MYO9B: variants seen among roughly 807,000 people sequenced by gnomAD.
The protein encoded by MYO9B is myosin IXB.
In MYO9B, 71 loss-of-function variants were observed where a neutral mutation model predicts 229.5. The ratio of observed to expected loss-of-function variants is 0.31; its 90% CI spans 0.26 to 0.38. The LOEUF (loss-of-function observed/expected upper bound fraction) is 0.38, where lower values mean the gene tolerates loss of function less well. Ranked by LOEUF, MYO9B falls within the 10% of genes least tolerant of loss-of-function variation. The pLI is 1.00. For synonymous variants in MYO9B, 1,185 were observed against 1,235.8 expected, an observed-to-expected ratio of 0.96 and a Z score of 0.86; for missense variants, 2,255 against 2,920.5, an observed-to-expected ratio of 0.77 and a Z score of 5.25.
chr19:17,093,483 C>T (rs774751468), intron 1 of MYO9B, among the ~76,000 whole-genome samples: 8 of 152,252 alleles, frequency 5.3e-5, no homozygotes, highest in South Asian at 2.1e-4. Context: ...CGTCCTGGGA[C>T]GACCAGGTGA....
intron 1 of MYO9B, among the ~76,000 whole-genome samples, chr19:17,088,066 C>G (rs528530310): frequency 1.3e-5 from 2 of 152,180 alleles, no homozygotes; most frequent in Admixed American, 1.3e-4. Context: ...CACCACCGCA[C>G]TCCAGCCTGG....
intron 2 of MYO9B, among the ~76,000 whole-genome samples, chr19:17,143,369 T>C (rs933883724): frequency 1.3e-5 from 2 of 152,176 alleles, no homozygotes; most frequent in Admixed American, 6.5e-5. Flanking sequence ...AAGTGACTTA[T>C]AGCCTACTGT....
At chr19:17,131,052 G>C (rs1472824384) in intron 2 of MYO9B, among the ~76,000 whole-genome samples, 2 of 152,130 alleles carry the variant, frequency 1.3e-5, no homozygotes, top group Non-Finnish European at 2.9e-5. Context: ...CCTGTCTTCA[G>C]CAAGAATCCT....
chr19:17,083,398 T>C (rs1436241043), intron 1 of MYO9B, among the ~76,000 whole-genome samples: 1 of 152,116 alleles, frequency 6.6e-6, no homozygotes, highest in Non-Finnish European at 1.5e-5. Context: ...CAGATCATTC[T>C]CTTGGGTAGC....
intron 6 of MYO9B, among the ~76,000 whole-genome samples, chr19:17,155,378 C>CATCTCTACAAAA (rs2072525910): frequency 6.6e-6 from 1 of 152,002 alleles, no homozygotes; most frequent in Admixed American, 6.6e-5. Flanking sequence ...ATGGGGTTTC[C>CATCTCTACAAAA]TCATGTTGCC....
At chr19:17,082,171 A>G (rs1035166512) in intron 1 of MYO9B, among the ~76,000 whole-genome samples, 8 of 152,202 alleles carry the variant, frequency 5.3e-5, no homozygotes, top group African/African-American at 1.9e-4. Context: ...GAGACTGAGG[A>G]GAACAGAAAT....
chr19:17,083,277 G>A (rs897043531), intron 1 of MYO9B, among the ~76,000 whole-genome samples: 54 of 152,114 alleles, frequency 3.5e-4, no homozygotes, highest in African/African-American at 1.2e-3. Context: ...GTGATCACCC[G>A]CCTCAGCCTC....
At chr19:17,092,052 C>G (rs1033173013) in intron 1 of MYO9B, among the ~76,000 whole-genome samples, 2 of 152,236 alleles carry the variant, frequency 1.3e-5, no homozygotes, top group South Asian at 2.1e-4. Context: ...TGCAGCCGTC[C>G]ATGTGGCCTT....
Position 17,212,090 on chromosome 19 carries a change from C to T in MYO9B, c.6254C>T (p.Pro2085Leu), listed in dbSNP as rs55732173. Reference protein sequence around the residue: ...GLPSHLPRWAPGAREAAAPVR... With the variant: ...GLPSHLPRWALGAREAAAPVR... ...CCCTCCCACCTGCCTCGCTGGGCAC[C>T]GGGTGCCCGGGAGGCGGCTGCCCCA... Residue 2085 changes from proline (P) to leucine (L), a missense_variant, in exon 40 of 40, where the codon CCG becomes CTG. Coordinates refer to ENST00000682292, the MANE Select transcript of MYO9B (RefSeq NM_004145.4). This position sits in a 1 kb window ranked among gnomAD's most constrained non-coding sequence, Gnocchi z 5.4. 4.0e-3 allele frequency: 6,323 copies of T among 1,590,748 alleles called. 19 individuals are homozygous for T. Among genetic ancestry groups the T allele is most frequent in the Non-Finnish European group, 4.8e-3 (5,624 of 1,170,944 alleles).
Position 17,081,429 on chromosome 19 carries a change from T to G in MYO9B, c.-59+5555T>G, listed in dbSNP as rs568904075. On this transcript the variant is annotated intron_variant, in intron 1 of 39. Transcript: ENST00000682292. ...TTCTCACTCCTTTAAATAAACACTT[T>G]AAGGGTGAGCAGGTTGGTTGGCCAC... 8.5e-5 allele frequency among the ~76,000 whole-genome samples: 13 copies of G among 152,292 alleles called. No homozygotes were observed. In the East Asian group the frequency reaches 2.5e-3, roughly 29 times the overall value.
At chr19:17,180,876 T>C (rs1397909841) in intron 14 of MYO9B, 51 bp from the exon 15 acceptor site, 53 of 1,330,744 alleles carry the variant, frequency 4.0e-5, no homozygotes, top group Admixed American at 1.7e-4. Flanking sequence ...CAGGCCTGCT[T>C]CTAACTCCAT....
At position 17,206,550 on chromosome 19, in the gene MYO9B, G is replaced by A. The variant is rs557118617; in HGVS notation, c.5387-129G>A. ...TTTGGGGTGGGGCCAGGACACCTCT[G>A]TAGCCATCCATTCTTGCCTGGGCAC... On this transcript the variant is annotated intron_variant, in intron 33 of 39. Transcript: ENST00000682292. 3.3e-5 allele frequency: 43 copies of A among 1,292,590 alleles called. No individual in the cohort carries two copies. The South Asian group carries it at 4.1e-4, about 12-fold the overall frequency. 80.1% of individuals were successfully genotyped at this position (1,292,590 alleles called of 1,614,324 possible). A position where few individuals can be genotyped will look rare whatever the true frequency, so the allele number is the denominator to read the frequency against.
At chr19:17,138,834 T>C (rs987612274) in intron 2 of MYO9B, among the ~76,000 whole-genome samples, 1 of 152,176 alleles carries the variant, frequency 6.6e-6, no homozygotes, top group East Asian at 1.9e-4. Flanking sequence ...ATACTACTAA[T>C]AGGTGTGTTA....
At position 17,211,894 on chromosome 19, in the gene MYO9B, G is replaced by A; in HGVS notation, c.6059-1G>A. On this transcript the variant is annotated splice_acceptor_variant, in intron 39 of 39. Coordinates refer to ENST00000682292, the MANE Select transcript of MYO9B (RefSeq NM_004145.4). LOFTEE classifies it high-confidence loss of function. ...TAACCCTGCCATCTGTCTCTCAAAA[G>A]GGCCCCCTGCGCCTGCTCTCCCTTG... The A allele has an allele frequency of 1.3e-6, 2 of 1,583,240 alleles. No homozygotes were observed. Among genetic ancestry groups the A allele is most frequent in the Non-Finnish European group, 1.7e-6 (2 of 1,162,582 alleles).
rs879861138 is a variant in MYO9B, at chr19:17,125,309, C to CCCCG, written c.841-20088_841-20087insCCCG. 1.8e-3 allele frequency among the ~76,000 whole-genome samples: 213 copies of CCCCG among 120,896 alleles called. 7 individuals carry two copies. The highest frequency in any genetic ancestry group is 6.1e-3 in the African/African-American group (180 of 29,740). The allele number at this position is 120,896 out of a possible 152,430, so 79.3% of individuals were successfully genotyped here. A position where few individuals can be genotyped will look rare whatever the true frequency, so the allele number is the denominator to read the frequency against. ...GAGTAAAACCCCATCCCCCCCCCCCCAAAAAAAGGGTAAGATGAGCCCTAG... is the reference window on the plus strand; with the variant it reads ...GAGTAAAACCCCATCCCCCCCCCCCCCCCGAAAAAAAGGGTAAGATGAGCCCTAG... On this transcript the variant is annotated intron_variant, in intron 2 of 39. Coordinates refer to ENST00000682292, the MANE Select transcript of MYO9B (RefSeq NM_004145.4).
chr19:17,206,413 C>T (rs764500976), intron 33 of MYO9B, 37 bp downstream of exon 33: 1 of 1,601,046 alleles, frequency 6.2e-7, no homozygotes, highest in South Asian at 1.1e-5. Context: ...AGCAGGTGGC[C>T]ACAGCCAGGA....
intron 1 of MYO9B, among the ~76,000 whole-genome samples, chr19:17,096,402 C>T (rs1371370477): frequency 1.3e-5 from 2 of 152,020 alleles, no homozygotes; most frequent in East Asian, 1.9e-4. Context: ...CACAGTGGCT[C>T]ATGCCTGTAA....
chr19:17,110,469 C>T (rs1459070626), intron 2 of MYO9B, among the ~76,000 whole-genome samples: 1 of 152,180 alleles, frequency 6.6e-6, no homozygotes, highest in Non-Finnish European at 1.5e-5. Context: ...AGAACACGCT[C>T]CTCTCCCTTT....
At chr19:17,106,439 G>A (rs1006226907) in intron 2 of MYO9B, among the ~76,000 whole-genome samples, 7 of 152,208 alleles carry the variant, frequency 4.6e-5, no homozygotes, top group African/African-American at 1.7e-4. Flanking sequence ...AGCTATAGAG[G>A]TTCTGAGCAG....
Sources: allele counts gnomAD v4.1 joint callset (sites outside exome capture counted in the v4.1 genomes callset), GRCh38; gene constraint gnomAD v4.1.1; non-coding constraint Gnocchi (gnomAD v3.1); transcripts MANE v1.5; gene names NCBI Gene and HGNC (gene_info 2026-07-23, HGNC 2026-07-21).